SEC23A: variants seen among roughly 807,000 people sequenced by gnomAD.
SEC23A encodes SEC23 homolog A, COPII component, also known as protein transport protein Sec23A.
A neutral mutation model predicts 103.7 loss-of-function variants in SEC23A; 56 were observed. That is an observed-to-expected ratio of 0.54 (90% confidence interval 0.44 to 0.67). SEC23A has a LOEUF of 0.67. SEC23A is among the 30% of genes least tolerant of loss of function. The probability of loss-of-function intolerance (pLI) is 0.00; values close to 1 mark genes in which losing one functional copy is unlikely to be tolerated. For missense variants in SEC23A, 784 were observed against 936.4 expected, an observed-to-expected ratio of 0.84 and a Z score of 2.12; for synonymous variants, 281 against 293.0, an observed-to-expected ratio of 0.96 and a Z score of 0.42.
chr14:39,042,919 C>T, intron 16 of SEC23A, 47 bp from the exon 17 acceptor site: 1 of 1,054,630 alleles, frequency 9.5e-7, no homozygotes, highest in Non-Finnish European at 1.5e-6. Flanking sequence ...GAAAAATAAT[C>T]TACTCAATAA....
In SEC23A at chr14:39,033,272, G is replaced by A; in HGVS notation, c.2265C>T (p.His755=). 1 of 1,613,358 alleles carries A rather than the reference G, an allele frequency of 6.2e-7. No homozygotes were observed. The highest frequency in any genetic ancestry group is 2.2e-5 in the East Asian group (1 of 44,848). Residue 755 remains histidine, a synonymous_variant, in exon 20 of 20, where the codon CAC becomes CAT. Transcript: ENST00000307712. ...CACTGGACACAGCAAGTTTCTTCAA[G>A]TGATCCATAAACACTTGTAAACTAA... ...DDVSLQVFMD[H]LKKLAVSSAA
At chr14:39,041,113 T>C (rs1885622051) in intron 17 of SEC23A, 1 of 433,094 alleles carries the variant, frequency 2.3e-6, no homozygotes, top group Non-Finnish European at 3.9e-6. Context: ...AATACTTACA[T>C]AAGTCAGAAA....
intron 17 of SEC23A, among the ~76,000 whole-genome samples, chr14:39,042,235 A>T (rs1454652952): frequency 6.6e-6 from 1 of 152,268 alleles, no homozygotes; most frequent in Non-Finnish European, 1.5e-5. Context: ...GAAGCACTTA[A>T]CAATTGGCTG....
At chr14:39,083,550 C>G (rs552919233) in intron 7 of SEC23A, among the ~76,000 whole-genome samples, 1 of 122,410 alleles carries the variant, frequency 8.2e-6, no homozygotes, top group Non-Finnish European at 1.7e-5. Flanking sequence ...TCAGCCTTGG[C>G]AAAATAAACT....
chr14:39,091,217 T>G (rs191581638), intron 5 of SEC23A: 1 of 496,154 alleles, frequency 2.0e-6, no homozygotes, highest in Admixed American at 3.4e-5. Context: ...TCATAAGCCC[T>G]TCAAATCTCT....
chr14:39,082,095 C>A (rs912997689), intron 7 of SEC23A, among the ~76,000 whole-genome samples: 1 of 151,922 alleles, frequency 6.6e-6, no homozygotes, highest in Admixed American at 6.6e-5. Flanking sequence ...TTAATAAGGA[C>A]CCAGAAGCAG....
At chr14:39,097,281 C>A (rs895716328) in intron 1 of SEC23A, among the ~76,000 whole-genome samples, 1 of 152,098 alleles carries the variant, frequency 6.6e-6, no homozygotes. Flanking sequence ...CAAACTGCAA[C>A]AGTAGTTAGT....
rs572329691 is a variant in SEC23A at position 39,059,998 on chromosome 14, T to C, written c.1505+1767A>G. Among the ~76,000 whole-genome samples the C allele has an allele frequency of 1.7e-3, 252 of 152,324 alleles. 1 individual carries two copies. Among genetic ancestry groups the C allele is most frequent in the African/African-American group, 5.8e-3 (241 of 41,580 alleles). On this transcript the variant is annotated intron_variant, in intron 13 of 19. Coordinates refer to ENST00000307712, the MANE Select transcript of SEC23A (RefSeq NM_006364.4). ...CTTTGTCTTCCAAGACATTTTTGAA[T>C]AGTACAAACCAGTGACTTTGTAAGT...
intron 7 of SEC23A, among the ~76,000 whole-genome samples, chr14:39,081,932 C>T (rs1021199907): frequency 2.0e-5 from 3 of 152,050 alleles, no homozygotes; most frequent in South Asian, 4.1e-4. Context: ...GGTAAGGGTG[C>T]ACATGAAGCA....
chr14:39,055,047 T>C (rs1886194270), intron 14 of SEC23A, 96 bp downstream of exon 14: 5 of 1,405,902 alleles, frequency 3.6e-6, no homozygotes, highest in Admixed American at 3.4e-5. Context: ...GTATTTCAGA[T>C]ACACTGTTAA....
chr14:39,085,805 C>T lies in SEC23A; in HGVS notation c.785G>A (p.Arg262His), dbSNP rs763784277. 17 of 1,613,778 alleles carry T rather than the reference C, an allele frequency of 1.1e-5. No homozygotes were observed. Among genetic ancestry groups the T allele is most frequent in the South Asian group, 9.9e-5 (9 of 91,074 alleles). Residue 262 changes from arginine (R) to histidine (H), a missense_variant, in exon 7 of 20, where the codon CGT (arginine) becomes CAT (histidine). Arg to His is a conservative substitution (Grantham distance 29, BLOSUM62 0). Transcript: ENST00000307712. ...TATGGAAAGTGCCACCCCAGAGGAACGCAAAGGTCTCTTTCCCTGTGGTAC... is the reference window on the plus strand; with the variant it reads ...TATGGAAAGTGCCACCCCAGAGGAATGCAAAGGTCTCTTTCCCTGTGGTAC... Reference protein sequence around the residue: ...WPVPQGKRPLRSSGVALSIAV... With the variant: ...WPVPQGKRPLHSSGVALSIAV...
chr14:39,102,109 G>C (rs1467739892), intron 1 of SEC23A, among the ~76,000 whole-genome samples: 1 of 152,116 alleles, frequency 6.6e-6, no homozygotes, highest in Non-Finnish European at 1.5e-5. Flanking sequence ...GCTCGCCCCT[G>C]TAATCCCAGC....
intron 19 of SEC23A, among the ~76,000 whole-genome samples, chr14:39,034,747 TC>T (rs930497571): frequency 1.3e-5 from 2 of 152,162 alleles, no homozygotes; most frequent in African/African-American, 4.8e-5. Context: ...AGTTAGCTGA[TC>T]TCAACTTTTC....
At chr14:39,079,754 G>A (rs888058873) in intron 7 of SEC23A, among the ~76,000 whole-genome samples, 1 of 151,974 alleles carries the variant, frequency 6.6e-6, no homozygotes, top group African/African-American at 2.4e-5. Context: ...CCCAGGAGGT[G>A]GAGGTTGCAG....
At chr14:39,090,301 C>T (rs1424551266) in intron 5 of SEC23A, among the ~76,000 whole-genome samples, 3 of 152,034 alleles carry the variant, frequency 2.0e-5, no homozygotes, top group Non-Finnish European at 2.9e-5. Flanking sequence ...TTCAAAGTAC[C>T]TACATGAACA....
At chr14:39,077,552 G>A (rs914815029) in intron 7 of SEC23A, among the ~76,000 whole-genome samples, 4 of 150,626 alleles carry the variant, frequency 2.7e-5, no homozygotes, top group Admixed American at 1.3e-4. Context: ...AAAAAAGAAA[G>A]AAAGAGAAAG....
intron 10 of SEC23A, among the ~76,000 whole-genome samples, chr14:39,065,345 G>C (rs1415029019): frequency 6.6e-6 from 1 of 151,666 alleles, no homozygotes; most frequent in Non-Finnish European, 1.5e-5. Flanking sequence ...CTGTCACCAA[G>C]ATTGGTCTCC....
intron 7 of SEC23A, among the ~76,000 whole-genome samples, chr14:39,084,552 A>G (rs920509635): frequency 3.9e-5 from 6 of 152,168 alleles, no homozygotes; most frequent in Admixed American, 1.3e-4. Flanking sequence ...TTTTCACTCA[A>G]TATTATCTTA....
intron 7 of SEC23A, among the ~76,000 whole-genome samples, chr14:39,084,751 C>T (rs1023041027): frequency 2.0e-4 from 30 of 152,322 alleles, no homozygotes; most frequent in African/African-American, 7.0e-4. Context: ...CTCCCTGCAA[C>T]CTCCGCCTCT....
Sources: allele counts gnomAD v4.1 joint callset (sites outside exome capture counted in the v4.1 genomes callset), GRCh38; gene constraint gnomAD v4.1.1; transcripts MANE v1.5; gene names NCBI Gene and HGNC (gene_info 2026-07-23, HGNC 2026-07-21).